HESX1: variants seen among roughly 807,000 people sequenced by gnomAD.
The protein encoded by HESX1 is HESX homeobox 1.
In HESX1, 11 loss-of-function variants were observed where a neutral mutation model predicts 22.5. The ratio of observed to expected loss-of-function variants is 0.49; its 90% confidence interval spans 0.31 to 0.81. The LOEUF (loss-of-function observed/expected upper bound fraction) is 0.81, where lower values mean the gene tolerates loss of function less well. Ranked by LOEUF, HESX1 falls within the 30% of genes least tolerant of loss-of-function variation. The pLI, the probability that HESX1 is intolerant of heterozygous loss-of-function variation, is 0.05. For missense variants in HESX1, 201 were observed against 212.6 expected (o/e 0.95, Z 0.34); for synonymous variants, 74 against 76.5 (o/e 0.97, Z 0.17).
intron 1 of HESX1, among the ~76,000 whole-genome samples, chr3:57,215,143 T>A (rs1332422358): frequency 6.6e-6 from 1 of 152,142 alleles, no homozygotes; most frequent in African/African-American, 2.4e-5. Context: ...ACATATAACC[T>A]AAATAAGTGA....
chr3:57,198,639 A>C (rs1053607727), intron 2 of HESX1, 114 bp downstream of exon 2: 2 of 1,074,386 alleles, frequency 1.9e-6, no homozygotes, highest in Non-Finnish European at 2.9e-6. Flanking sequence ...ATGGTAGTCT[A>C]CTGTTTCATT....
upstream of HESX1, among the ~76,000 whole-genome samples, chr3:57,201,915 C>T (rs867440323): frequency 6.7e-6 from 1 of 149,826 alleles, no homozygotes; most frequent in Non-Finnish European, 1.5e-5. Context: ...ATCTATCTAT[C>T]TATCTATCTA....
chr3:57,217,312 C>A (rs2060587950), intron 1 of HESX1, among the ~76,000 whole-genome samples: 1 of 152,166 alleles, frequency 6.6e-6, no homozygotes, highest in African/African-American at 2.4e-5. Context: ...TTACTGAAAT[C>A]TGTGAGTTCA....
chr3:57,225,541 A>C (rs1285128931), intron 1 of HESX1, among the ~76,000 whole-genome samples: 1 of 151,958 alleles, frequency 6.6e-6, no homozygotes, highest in Non-Finnish European at 1.5e-5. Flanking sequence ...ACGGGGTTTC[A>C]CCAGTTGGCC....
intron 1 of HESX1, among the ~76,000 whole-genome samples, chr3:57,224,781 A>T (rs532178914): frequency 1.3e-5 from 2 of 152,358 alleles, no homozygotes; most frequent in African/African-American, 4.8e-5. Context: ...AGTATCATGT[A>T]AAAACCTAAT....
Position 57,197,951 on chromosome 3 carries a change from GCTTA to G in HESX1, c.*242_*245del. The G allele has an allele frequency of 3.1e-6, 1 of 324,464 alleles. No individual in the cohort carries two copies. The allele number at this position is 324,464 out of a possible 1,614,324, so 20.1% of individuals were successfully genotyped here. On this transcript the variant is annotated 3_prime_UTR_variant, in exon 4 of 4. Transcript: ENST00000295934. ...CAAACTAATTTATTAGATTAATTTG[GCTTA>G]CTTAAAAAATAGCAATCTTTTCTGA...
intron 1 of HESX1, among the ~76,000 whole-genome samples, chr3:57,205,084 A>G (rs2060512557): frequency 6.6e-6 from 1 of 152,058 alleles, no homozygotes; most frequent in Non-Finnish European, 1.5e-5. Context: ...ATTTAAAAAC[A>G]TAAGTCAGTT....
chr3:57,204,782 G>A (rs1411088810), upstream of HESX1, among the ~76,000 whole-genome samples: 1 of 141,066 alleles, frequency 7.1e-6, no homozygotes, highest in Non-Finnish European at 1.5e-5. Context: ...CTGGATATAT[G>A]AGTGAAACCT....
chr3:57,221,436 C>A (rs1253502338), intron 1 of HESX1, among the ~76,000 whole-genome samples: 1 of 152,080 alleles, frequency 6.6e-6, no homozygotes, highest in Non-Finnish European at 1.5e-5. Context: ...GGATTACAAG[C>A]ATGAGCTGCT....
At chr3:57,215,724 G>C (rs1255621165) in intron 1 of HESX1, among the ~76,000 whole-genome samples, 1 of 152,102 alleles carries the variant, frequency 6.6e-6, no homozygotes, top group African/African-American at 2.4e-5. Flanking sequence ...CCAAGGTCGT[G>C]CCATTGCACT....
chr3:57,204,317 C>A (rs1319326821), upstream of HESX1, among the ~76,000 whole-genome samples: 1 of 152,102 alleles, frequency 6.6e-6, no homozygotes, highest in Admixed American at 6.6e-5. Flanking sequence ...ATTACACTGG[C>A]TCCATTGAAG....
chr3:57,201,507 G>GA (rs2060486057), upstream of HESX1, among the ~76,000 whole-genome samples: 1 of 151,272 alleles, frequency 6.6e-6, no homozygotes, highest in Admixed American at 6.6e-5. Flanking sequence ...CTCAGAACCA[G>GA]AAAAAAACAA....
At chr3:57,226,648 T>C (rs1215322003), upstream of HESX1, 3 of 152,248 alleles carry the variant, frequency 2.0e-5, no homozygotes, top group Admixed American at 6.5e-5. Context: ...TATTTGTTAC[T>C]ATATTTGGAT....
chr3:57,226,768 G>A (rs1459232951), upstream of HESX1, among the ~76,000 whole-genome samples: 2 of 152,162 alleles, frequency 1.3e-5, no homozygotes, highest in African/African-American at 4.8e-5. Context: ...GAATGGATTG[G>A]TGGAATTAAT....
chr3:57,226,370 A>T (rs1205094511), exon 1 of HESX1: 1 of 152,176 alleles, frequency 6.6e-6, no homozygotes, highest in Non-Finnish European at 1.5e-5. Flanking sequence ...ATATCAAGGA[A>T]AAAGAAACTG....
At chr3:57,211,550 A>AAAAC in intron 1 of HESX1, among the ~76,000 whole-genome samples, 1 of 147,366 alleles carries the variant, frequency 6.8e-6, no homozygotes, top group Non-Finnish European at 1.5e-5. Flanking sequence ...AAAAAAAAAA[A>AAAAC]AGCCAGGCAT....
chr3:57,224,364 C>G (rs1320925796), intron 1 of HESX1, among the ~76,000 whole-genome samples: 1 of 152,058 alleles, frequency 6.6e-6, no homozygotes, highest in Non-Finnish European at 1.5e-5. Context: ...TCTCAAACTC[C>G]AGAGCTTAAG....
upstream of HESX1, among the ~76,000 whole-genome samples, chr3:57,202,943 C>G (rs565126948): frequency 6.6e-6 from 1 of 152,248 alleles, no homozygotes; most frequent in African/African-American, 2.4e-5. Context: ...TTGAAAATCA[C>G]TTGGAATGTT....
chr3:57,227,430 G>T (rs1333670278), upstream of HESX1, among the ~76,000 whole-genome samples: 1 of 152,216 alleles, frequency 6.6e-6, no homozygotes, highest in East Asian at 1.9e-4. Context: ...ATATGTTGCG[G>T]GAAAAGTCAA....
Sources: gnomAD v4.1 joint callset for allele counts (sites outside exome capture counted in the v4.1 genomes callset) on GRCh38, gnomAD v4.1.1 for gene constraint, MANE v1.5 for transcripts, NCBI Gene and HGNC (gene_info 2026-07-23, HGNC 2026-07-21) for gene names.